Variants in TP63 observed in about 807,000 individuals in gnomAD.
TP63 encodes tumor protein p63.
TP63 carries 17 observed loss-of-function variants against 82.8 expected under a neutral mutation model. That is an observed-to-expected ratio of 0.21 (90% CI 0.14 to 0.31). The LOEUF (loss-of-function observed/expected upper bound fraction) is 0.31, where lower values mean the gene tolerates loss of function less well. Ranked by LOEUF, TP63 falls within the 10% of genes least tolerant of loss-of-function variation. The probability of loss-of-function intolerance (pLI) is 1.00; values close to 1 mark genes in which losing one functional copy is unlikely to be tolerated. For synonymous variants in TP63, 330 were observed against 321.7 expected, an observed-to-expected ratio of 1.03 and a Z score of -0.28; for missense variants, 648 against 895.3, an observed-to-expected ratio of 0.72 and a Z score of 3.52.
At chr3:189,615,898 C>T in the TP63 span, among the ~76,000 whole-genome samples, 5 of 152,202 alleles carry the variant, frequency 3.3e-5, no homozygotes, top group Non-Finnish European at 7.3e-5. Context: ...ACCAAGTTAA[C>T]CTATCTGTAA....
chr3:189,812,247 GT>G (rs997209032), intron 4 of TP63, among the ~76,000 whole-genome samples: 44 of 152,138 alleles, frequency 2.9e-4, no homozygotes, highest in Non-Finnish European at 2.1e-4. Context: ...GCGTTTCTGT[GT>G]TTTAAATAAC....
At chr3:189,773,184 A>T (rs1723503178) in intron 3 of TP63, among the ~76,000 whole-genome samples, 1 of 152,174 alleles carries the variant, frequency 6.6e-6, no homozygotes, top group Non-Finnish European at 1.5e-5. Flanking sequence ...CAATGTTTGG[A>T]TCTGAAAAAA....
chr3:189,835,133 C>A (rs1712946700), intron 4 of TP63, among the ~76,000 whole-genome samples: 1 of 152,076 alleles, frequency 6.6e-6, no homozygotes, highest in African/African-American at 2.4e-5. Context: ...ACATATAAAG[C>A]TCTAGAGTTT....
rs539013743 is a variant in TP63, at chr3:189,836,218, G to A, written c.579+27692G>A. On this transcript the variant is annotated intron_variant, in intron 4 of 13. Coordinates refer to ENST00000264731, the MANE Select transcript of TP63 (RefSeq NM_003722.5). ...CTAAGGAAATTAATCAAATGTACAC[G>A]TGCAACTTAAAATCAAAGAATCCCT... 5.9e-5 allele frequency among the ~76,000 whole-genome samples: 9 copies of A among 152,198 alleles called. No homozygotes were observed. In the South Asian group the frequency reaches 1.0e-3, roughly 18 times the overall value.
At position 189,648,901 on chromosome 3, in the gene TP63, A is replaced by T. The variant is rs1712650036; in HGVS notation, c.62+17324A>T. Among the ~76,000 whole-genome samples, 3 of 147,202 alleles carry T rather than the reference A, an allele frequency of 2.0e-5. 1 individual carries two copies. Among genetic ancestry groups the T allele is most frequent in the African/African-American group, 7.6e-5 (3 of 39,366 alleles). On this transcript the variant is annotated intron_variant, in intron 1 of 13. Transcript: ENST00000264731. The stretch of plus-strand genomic sequence containing the variant: ...GAAACTGAAGGTTAGAGTGTTAATG[A>T]CTTGCTGAAGATCACATAGATGCCT...
intron 4 of TP63, among the ~76,000 whole-genome samples, chr3:189,838,997 G>A (rs1713558614): frequency 7.2e-6 from 1 of 138,168 alleles, no homozygotes; most frequent in Non-Finnish European, 1.5e-5. Flanking sequence ...GCATTTGCAG[G>A]TTCACTTTTA....
chr3:189,756,288 A>G (rs1340785814), intron 3 of TP63, among the ~76,000 whole-genome samples: 1 of 152,156 alleles, frequency 6.6e-6, no homozygotes, highest in Non-Finnish European at 1.5e-5. Context: ...AAATCCTCTA[A>G]TTTTTGGAAA....
chr3:189,601,860 T>G, the TP63 span, among the ~76,000 whole-genome samples: 7 of 152,280 alleles, frequency 4.6e-5, no homozygotes, highest in Non-Finnish European at 1.0e-4. Context: ...ACTTCCAGCT[T>G]CCAATAAGAA....
intron 4 of TP63, among the ~76,000 whole-genome samples, chr3:189,825,274 A>G (rs977640659): frequency 6.6e-6 from 1 of 152,262 alleles, no homozygotes; most frequent in Non-Finnish European, 1.5e-5. Context: ...ATAGGCATAT[A>G]CATTCACAGC....
chr3:189,628,351 G>A (rs530503357), upstream of TP63, among the ~76,000 whole-genome samples: 1 of 152,110 alleles, frequency 6.6e-6, no homozygotes, highest in African/African-American at 2.4e-5. Context: ...AGAGGAAAGT[G>A]CATGAAGGGG....
At chr3:189,808,207 C>CT (rs905294093) in intron 3 of TP63, 65 bp from the exon 4 acceptor site, 65 of 1,613,756 alleles carry the variant, frequency 4.0e-5, no homozygotes, top group East Asian at 2.2e-5. Flanking sequence ...CCATGGATGC[C>CT]TTTTTTTGGA....
chr3:189,691,356 A>AG (rs1451079905), intron 1 of TP63, among the ~76,000 whole-genome samples: 21 of 137,112 alleles, frequency 1.5e-4, no homozygotes, highest in Admixed American at 2.2e-4. Flanking sequence ...AAAAAAAAAA[A>AG]AAAAGAAAAA....
chr3:189,629,586 C>T (rs1729391825), upstream of TP63, among the ~76,000 whole-genome samples: 1 of 152,056 alleles, frequency 6.6e-6, no homozygotes, highest in Non-Finnish European at 1.5e-5. Flanking sequence ...CACTAGGGCT[C>T]GCCACTCCAA....
chr3:189,851,483 G>C (rs1715623676), intron 4 of TP63, among the ~76,000 whole-genome samples: 1 of 152,206 alleles, frequency 6.6e-6, no homozygotes, highest in Admixed American at 6.5e-5. Flanking sequence ...GCTGAGGCAG[G>C]AGAATCACTT....
intron 1 of TP63, among the ~76,000 whole-genome samples, chr3:189,718,465 A>G (rs541642765): frequency 6.7e-6 from 1 of 149,666 alleles, no homozygotes; most frequent in South Asian, 2.3e-4. Context: ...AAACACTTTT[A>G]AACCATCAGA....
At position 189,794,372 on chromosome 3, in the gene TP63, TA is replaced by T. The variant is rs1725475584; in HGVS notation, c.325-13897del. Among the ~76,000 whole-genome samples, 4 of 152,036 alleles carry T rather than the reference TA, an allele frequency of 2.6e-5. No homozygotes were observed. In the South Asian group the frequency reaches 8.3e-4, roughly 32 times the overall value. ...TTTTAAGTGTGTGAGCAAGATAATA[TA>T]AAGCATCAAAGGGAAAGAGAGTCCA... On this transcript the variant is annotated intron_variant, in intron 3 of 13. Transcript: ENST00000264731.
the TP63 span, among the ~76,000 whole-genome samples, chr3:189,616,886 A>G: frequency 0.077 from 11,790 of 152,252 alleles, 624 homozygotes; most frequent in African/African-American, 0.15. Flanking sequence ...GGGGCTTAGC[A>G]TAAGTTTCAT....
At chr3:189,790,248 T>C (rs1724997587) in intron 3 of TP63, among the ~76,000 whole-genome samples, 1 of 152,076 alleles carries the variant, frequency 6.6e-6, no homozygotes, top group African/African-American at 2.4e-5. Flanking sequence ...CATAGTTCTA[T>C]TTCCAGACTT....
chr3:189,835,614 T>A (rs549870784), intron 4 of TP63, among the ~76,000 whole-genome samples: 38 of 152,248 alleles, frequency 2.5e-4, no homozygotes, highest in Middle Eastern at 3.4e-3. Flanking sequence ...CAAAGCATTT[T>A]AAAATGTTCC....
Sources: allele counts gnomAD v4.1 joint callset (sites outside exome capture counted in the v4.1 genomes callset), GRCh38; gene constraint gnomAD v4.1.1; transcripts MANE v1.5; gene names NCBI Gene and HGNC (gene_info 2026-07-23, HGNC 2026-07-21).